ZEB1: variants seen among roughly 807,000 people sequenced by gnomAD.
The protein encoded by ZEB1 is zinc finger E-box binding homeobox 1.
Under a neutral mutation model 84.9 loss-of-function variants are expected in ZEB1, and 21 were observed. The observed-to-expected ratio is 0.25, with a 90% confidence interval of 0.18 to 0.36. ZEB1 has a LOEUF of 0.36. Ranked by LOEUF, ZEB1 falls within the 10% of genes least tolerant of loss-of-function variation. The probability of loss-of-function intolerance (pLI) is 1.00; values close to 1 mark genes in which losing one functional copy is unlikely to be tolerated. For missense variants in ZEB1, 1,104 were observed against 1,330.2 expected, an observed-to-expected ratio of 0.83 and a Z score of 2.65; for synonymous variants, 420 against 471.1, an observed-to-expected ratio of 0.89 and a Z score of 1.41.
chr10:31,459,466 T>C (rs1010003160), intron 1 of ZEB1, among the ~76,000 whole-genome samples: 2 of 152,092 alleles, frequency 1.3e-5, no homozygotes, highest in African/African-American at 2.4e-5. Context: ...TTTATCTTTA[T>C]GGAGTGGATT....
rs192236500 is a variant in ZEB1 at position 31,355,873 on chromosome 10, G to A, written c.58+36581G>A. ...AACCATGGAAAGGTTTTAAGCATCG[G>A]GGTATGCCATGATTAAATTTTTCAT... is the stretch of plus-strand genomic sequence containing the variant. On this transcript the variant is annotated intron_variant, in intron 1 of 8. Transcript: ENST00000424869. 6.6e-5 allele frequency among the ~76,000 whole-genome samples: 10 copies of A among 152,168 alleles called. No homozygotes were observed. The East Asian group carries it at 1.7e-3, about 26-fold the overall frequency.
intron 1 of ZEB1, among the ~76,000 whole-genome samples, chr10:31,325,218 T>C (rs1038664500): frequency 1.3e-5 from 2 of 152,070 alleles, no homozygotes; most frequent in African/African-American, 4.8e-5. Flanking sequence ...AACTTAATTT[T>C]TAGAACTTCA....
chr10:31,462,828 A>G lies in ZEB1; in HGVS notation c.259+1591A>G, dbSNP rs575841944. Among the ~76,000 whole-genome samples, 203 of 152,278 alleles carry G rather than the reference A, an allele frequency of 1.3e-3. 4 individuals carry two copies. The South Asian group carries it at 0.031, about 23-fold the overall frequency. On this transcript the variant is annotated intron_variant, in intron 2 of 8. Transcript: ENST00000424869. ...GAGGGAGGCTGAGGTAGTGTCTTCA[A>G]CGAGACGGCTGTAATAATCAGGCAG...
At chr10:31,511,116 T>G (rs77176995) in intron 5 of ZEB1, among the ~76,000 whole-genome samples, 1,888 of 152,330 alleles carry the variant, frequency 0.012, 31 homozygotes, top group African/African-American at 0.043. Flanking sequence ...TAAGACCCTT[T>G]CCATCTTGAC....
At position 31,349,800 on chromosome 10, in the gene ZEB1, C is replaced by T. The variant is rs145164015; in HGVS notation, c.58+30508C>T. Among the ~76,000 whole-genome samples the T allele has an allele frequency of 5.6e-3, 848 of 152,094 alleles. 13 individuals carry two copies. The highest frequency in any genetic ancestry group is 0.02 in the African/African-American group (813 of 41,512). On this transcript the variant is annotated intron_variant, in intron 1 of 8. Coordinates refer to ENST00000424869, the MANE Select transcript of ZEB1 (RefSeq NM_001174096.2). ...GCTATTTAGTTGCTTTAGCTTTTTACATGTTTTGGATACTAATGTCTTATC... is the reference window on the plus strand; with the variant it reads ...GCTATTTAGTTGCTTTAGCTTTTTATATGTTTTGGATACTAATGTCTTATC...
chr10:31,522,065 A>T (rs2072536476), intron 7 of ZEB1, 129 bp downstream of exon 7: 1 of 1,400,796 alleles, frequency 7.1e-7, no homozygotes. Context: ...TTTTAAAAGG[A>T]TCAATGTTTG....
chr10:31,323,109 G>A (rs2034550936), intron 1 of ZEB1, among the ~76,000 whole-genome samples: 1 of 152,040 alleles, frequency 6.6e-6, no homozygotes, highest in South Asian at 2.1e-4. Context: ...CTCTAATTGA[G>A]ATTGCTGTTA....
chr10:31,472,245 A>G (rs2063369450), intron 2 of ZEB1, among the ~76,000 whole-genome samples: 1 of 152,018 alleles, frequency 6.6e-6, no homozygotes, highest in African/African-American at 2.4e-5. Context: ...GACACAAAAA[A>G]CCCTTCAAAA....
chr10:31,483,056 C>G (rs2065262909), intron 2 of ZEB1, among the ~76,000 whole-genome samples: 1 of 152,134 alleles, frequency 6.6e-6, no homozygotes, highest in Middle Eastern at 3.4e-3. Flanking sequence ...CAGGCTAATT[C>G]TGCTTTCATT....
chr10:31,392,404 T>C (rs2049907635), intron 1 of ZEB1, among the ~76,000 whole-genome samples: 1 of 152,128 alleles, frequency 6.6e-6, no homozygotes, highest in African/African-American at 2.4e-5. Flanking sequence ...ATTGGGACAG[T>C]TTTAGGTTCT....
intron 1 of ZEB1, among the ~76,000 whole-genome samples, chr10:31,345,225 T>C (rs1374714271): frequency 3.9e-5 from 6 of 152,092 alleles, no homozygotes; most frequent in Admixed American, 2.6e-4. Context: ...TGCTCTTAAA[T>C]CACTCCATTT....
At chr10:31,391,743 A>G (rs531453874) in intron 1 of ZEB1, among the ~76,000 whole-genome samples, 63 of 152,314 alleles carry the variant, frequency 4.1e-4, no homozygotes, top group African/African-American at 1.4e-3. Flanking sequence ...TAAAGCTACA[A>G]AAGACCTGAA....
chr10:31,420,016 T>A (rs551486471), intron 1 of ZEB1, among the ~76,000 whole-genome samples: 6 of 152,276 alleles, frequency 3.9e-5, no homozygotes, highest in African/African-American at 1.4e-4. Flanking sequence ...AACAATTTAA[T>A]TACATTTTCT....
chr10:31,346,565 T>A (rs1246197952), intron 1 of ZEB1, among the ~76,000 whole-genome samples: 1 of 151,092 alleles, frequency 6.6e-6, no homozygotes, highest in Non-Finnish European at 1.5e-5. Flanking sequence ...CACGTAGAGT[T>A]TTTTTTTTCT....
At chr10:31,349,629 A>G (rs1013252575) in intron 1 of ZEB1, among the ~76,000 whole-genome samples, 7 of 152,134 alleles carry the variant, frequency 4.6e-5, no homozygotes, top group Non-Finnish European at 8.8e-5. Context: ...GGTGTGAGGT[A>G]GTCTCTCATT....
At chr10:31,369,666 GT>G (rs1348188740) in intron 1 of ZEB1, among the ~76,000 whole-genome samples, 1 of 152,152 alleles carries the variant, frequency 6.6e-6, no homozygotes, top group Non-Finnish European at 1.5e-5. Context: ...GAACATAGGA[GT>G]GCAGATATCC....
rs369585841 is a variant in ZEB1, at chr10:31,461,022, T to G, written c.59-15T>G. On this transcript the variant is annotated splice_polypyrimidine_tract_variant and intron_variant, in intron 1 of 8. Coordinates refer to ENST00000424869, the MANE Select transcript of ZEB1 (RefSeq NM_001174096.2). Reference sequence around the variant, plus strand: ...CTAGTTGGTTTTGATTATTTGTTTCTTGTTTGTATTACAGTTACAAATTAT... The same window carrying G: ...CTAGTTGGTTTTGATTATTTGTTTCGTGTTTGTATTACAGTTACAAATTAT... The G allele has an allele frequency of 2.0e-4, 313 of 1,604,918 alleles. No homozygotes were observed. The highest frequency in any genetic ancestry group is 2.6e-4 in the Non-Finnish European group (302 of 1,172,690).
upstream of ZEB1, chr10:31,318,928 A>G (rs1049819199): frequency 1.1e-5 from 5 of 458,756 alleles, no homozygotes; most frequent in Non-Finnish European, 1.6e-5. Context: ...CGCCTTTCTG[A>G]CCGCGTCCCT....
chr10:31,402,121 G>A (rs1383990400), intron 1 of ZEB1, among the ~76,000 whole-genome samples: 3 of 151,920 alleles, frequency 2.0e-5, no homozygotes, highest in Admixed American at 6.6e-5. Context: ...TGTTGTTGTT[G>A]TTGTTGTTGT....
Sources: allele counts gnomAD v4.1 joint callset (sites outside exome capture counted in the v4.1 genomes callset), GRCh38; gene constraint gnomAD v4.1.1; transcripts MANE v1.5; gene names NCBI Gene and HGNC (gene_info 2026-07-23, HGNC 2026-07-21).